Variants in SHANK1 observed in about 807,000 individuals in gnomAD.
SHANK1 encodes SH3 and multiple ankyrin repeat domains 1.
Under a neutral mutation model 165.6 loss-of-function variants are expected in SHANK1, and 35 were observed. The ratio of observed to expected loss-of-function variants is 0.21; its 90% CI spans 0.16 to 0.28. The LOEUF (loss-of-function observed/expected upper bound fraction) is 0.28. SHANK1 is among the 10% of genes least tolerant of loss of function. The pLI, the probability that SHANK1 is intolerant of heterozygous loss-of-function variation, is 1.00. For missense variants in SHANK1, 2,681 were observed against 3,036.4 expected (o/e 0.88, Z 2.75); for synonymous variants, 1,428 against 1,384.8 (o/e 1.03, Z -0.69).
chr19:50,666,618 G>T lies in SHANK1; in HGVS notation c.5342C>A (p.Thr1781Asn). 1.9e-6 allele frequency: 3 copies of T among 1,600,594 alleles called. No individual in the cohort carries two copies. The highest frequency in any genetic ancestry group is 2.2e-5 in the South Asian group (2 of 89,300). ...GPSGGLRDPV[T>N]PTSPTVSVTG... ...CACCGAGACGGTGGGGCTGGTGGGGGTAACAGGGTCTCGGAGTCCCCCGCT... is the reference window on the plus strand; with the variant it reads ...CACCGAGACGGTGGGGCTGGTGGGGTTAACAGGGTCTCGGAGTCCCCCGCT... Residue 1781 changes from threonine (T) to asparagine (N), a missense_variant, in exon 23 of 24, where the codon ACC becomes AAC. Thr to Asn is a moderately conservative substitution (Grantham distance 65). Around this residue, in one of 10 missense-constraint regions of SHANK1, gnomAD observed 1,713 missense variants for 1,630.2 expected, o/e 1.05. Coordinates refer to ENST00000293441, the MANE Select transcript of SHANK1 (RefSeq NM_016148.5).
At chr19:50,674,613 G>GC in intron 21 of SHANK1, among the ~76,000 whole-genome samples, 1 of 152,156 alleles carries the variant, frequency 6.6e-6, no homozygotes, top group Middle Eastern at 3.4e-3. Context: ...GGCCTGCAGT[G>GC]CCCCCCTAGA....
Position 50,704,494 on chromosome 19 carries a change from G to A in SHANK1, c.1098C>T (p.Leu366=). Residue 366 remains leucine (L), a synonymous_variant, in exon 9 of 24, where the codon CTC becomes CTT. Transcript: ENST00000293441. ...LYNKETCARI[L]LYRGADKDVK... is the part of the protein sequence containing the mutation. ...CATCCTTGTCGGCACCTCGATACAG[G>A]AGGATCCTGGCACAGGTCTCCTGCG... The A allele has an allele frequency of 6.2e-7, 1 of 1,614,150 alleles. No homozygotes were observed. Among genetic ancestry groups the A allele is most frequent in the South Asian group, 1.1e-5 (1 of 91,084 alleles).
intron 15 of SHANK1, 115 bp from the exon 16 acceptor site, chr19:50,689,394 A>G (rs752286310): frequency 2.6e-6 from 2 of 775,716 alleles, no homozygotes; most frequent in East Asian, 2.5e-5. Flanking sequence ...CTCCAGGGCC[A>G]TTAATTGCAT....
In SHANK1 at chr19:50,690,450, C is replaced by T. The variant is rs1986505096; in HGVS notation, c.1965-1171G>A. 6.6e-6 allele frequency among the ~76,000 whole-genome samples: 1 copy of T among 152,140 alleles called. No individual in the cohort carries two copies. Among genetic ancestry groups the T allele is most frequent in the Non-Finnish European group, 1.5e-5 (1 of 68,004 alleles). On this transcript the variant is annotated intron_variant, in intron 15 of 23. Transcript: ENST00000293441. The surrounding 1 kb of genome is among the most constrained non-coding windows in gnomAD (Gnocchi z 4.9). ...TACTCAGACACCCTGGCTGCAACCC[C>T]ACTGCCTTCAGAATACCCAAGAACA...
chr19:50,687,948 G>C lies in SHANK1; in HGVS notation c.2283C>G (p.Asp761Glu), dbSNP rs906317740. The C allele has an allele frequency of 5.6e-6, 9 of 1,614,066 alleles. No homozygotes were observed. Among genetic ancestry groups the C allele is most frequent in the Non-Finnish European group, 7.6e-6 (9 of 1,179,984 alleles). The change falls in exon 18 of 24, where the codon GAC becomes GAG. Residue 761 changes from aspartate (D) to glutamate (E), a missense_variant. This residue lies in a region of SHANK1 where 206 missense variants were observed against 216.0 expected (regional missense o/e 0.95). Transcript: ENST00000293441. ...CTTTCTTGTGCACTGCCTCATCCAT[G>C]TCCGGGTGCCTGGTGACCATCACCA... ...VKVVMVTRHPDMDEAVHKKAP... is the reference protein window; with the variant it reads ...VKVVMVTRHPEMDEAVHKKAP...
At chr19:50,687,431 C>T in intron 19 of SHANK1, 151 bp downstream of exon 19, 3 of 607,630 alleles carry the variant, frequency 4.9e-6, no homozygotes, top group Non-Finnish European at 8.5e-6. Context: ...CAGAGACACA[C>T]ACACACAGGC....
intron 23 of SHANK1, among the ~76,000 whole-genome samples, chr19:50,663,916 T>G (rs559291486): frequency 3.6e-5 from 5 of 140,534 alleles, no homozygotes; most frequent in African/African-American, 1.4e-4. Flanking sequence ...ACTTCCTTTT[T>G]CTTTTCTTTC....
At chr19:50,700,355 C>T (rs73044627) in intron 12 of SHANK1, among the ~76,000 whole-genome samples, 31,060 of 142,580 alleles carry the variant, frequency 0.22, 3,323 homozygotes, top group South Asian at 0.35. Flanking sequence ...TTGGAGGGCT[C>T]GGGGCATAGG....
Position 50,718,729 on chromosome 19 carries a change from C to A in SHANK1, c.-44+677G>T, listed in dbSNP as rs2089097592. Among the ~76,000 whole-genome samples, 1 of 100,420 alleles carries A rather than the reference C, an allele frequency of 1.0e-5. No individual in the cohort carries two copies. The highest frequency in any genetic ancestry group is 3.7e-5 in the African/African-American group (1 of 26,764). 65.9% of individuals were successfully genotyped at this position (100,420 alleles called of 152,430 possible). A position where few individuals can be genotyped will look rare whatever the true frequency, so the allele number is the denominator to read the frequency against. On this transcript the variant is annotated intron_variant, in intron 1 of 23. Transcript: ENST00000293441. The surrounding 1 kb of genome is among the most constrained non-coding windows in gnomAD (Gnocchi z 5.1). Reference sequence around the variant, plus strand: ...CGGGGCCGGGGAGAATGAATGGAGGCGGAGGGAGGCGGGGAGGGGCGGGGA... The same window carrying A: ...CGGGGCCGGGGAGAATGAATGGAGGAGGAGGGAGGCGGGGAGGGGCGGGGA...
chr19:50,701,397 T>A (rs1053670022), intron 12 of SHANK1, among the ~76,000 whole-genome samples: 6 of 151,628 alleles, frequency 4.0e-5, no homozygotes, highest in Non-Finnish European at 7.4e-5. Context: ...TTCACCATGT[T>A]GGCCAGGCTG....
At chr19:50,707,917 TTTTCTTTTCTTTTCTTTTC>T (rs2088963136) in intron 8 of SHANK1, among the ~76,000 whole-genome samples, 1 of 86,174 alleles carries the variant, frequency 1.2e-5, no homozygotes, top group Admixed American at 1.6e-4. Flanking sequence ...TTTTCTTTTC[TTTTCTTTTCTTTTCTTTTC>T]TTTTCTTTTC....
intron 9 of SHANK1, 99 bp from the exon 10 acceptor site, chr19:50,704,285 ACTC>A: frequency 7.3e-7 from 1 of 1,368,322 alleles, no homozygotes; most frequent in Non-Finnish European, 1.0e-6. Flanking sequence ...CAAACCTTCC[ACTC>A]CGACAATGCC....
rs1431321665 is a variant in SHANK1, at chr19:50,716,407, C to T, written c.327G>A (p.Glu109=). 6 of 1,614,226 alleles carry T rather than the reference C, an allele frequency of 3.7e-6. No homozygotes were observed. In the Admixed American group the frequency reaches 8.3e-5, roughly 22 times the overall value. The part of the protein sequence containing the change: ...AKQQVLCALS[E]SLQDVLNYGL... Reference sequence around the variant, plus strand: ...CATAGTTGAGCACATCCTGCAGGCTCTCGCTCAGGGCACAGAGCACCTGCT... The same window carrying T: ...CATAGTTGAGCACATCCTGCAGGCTTTCGCTCAGGGCACAGAGCACCTGCT... Residue 109 remains glutamate (E), a synonymous_variant, in exon 3 of 24, where the codon GAG becomes GAA. Transcript: ENST00000293441. This position sits in a 1 kb window ranked among gnomAD's most constrained non-coding sequence, Gnocchi z 8.4.
At chr19:50,711,164 G>A (rs973888686) in intron 8 of SHANK1, 80 of 571,190 alleles carry the variant, frequency 1.4e-4, no homozygotes, top group African/African-American at 1.2e-3. Context: ...TGATACAGAG[G>A]AGCTCAGTAA....
rs1377095267 is a variant in SHANK1, at chr19:50,719,633, T to TCCGCCGCGG, written c.-280_-272dup. On this transcript the variant is annotated 5_prime_UTR_variant, in exon 1 of 24. Transcript: ENST00000293441. ...TGGCCATCCGCAGAGCGCCCCCCCT[T>TCCGCCGCGG]CCGCCGCGGCCGCCGCGCCCCTCCT... is the stretch of plus-strand genomic sequence containing the variant. 1.4e-5 allele frequency among the ~76,000 whole-genome samples: 2 copies of TCCGCCGCGG among 144,862 alleles called. No individual in the cohort carries two copies. The highest frequency in any genetic ancestry group is 6.8e-5 in the Admixed American group (1 of 14,792).
intron 23 of SHANK1, among the ~76,000 whole-genome samples, chr19:50,664,367 G>T (rs1053674315): frequency 6.6e-6 from 1 of 152,190 alleles, no homozygotes; most frequent in African/African-American, 2.4e-5. Flanking sequence ...CTGCGACGAT[G>T]CAGCTGACTG....
At chr19:50,715,205 G>A (rs1237890165) in intron 4 of SHANK1, among the ~76,000 whole-genome samples, 1 of 152,090 alleles carries the variant, frequency 6.6e-6, no homozygotes, top group Non-Finnish European at 1.5e-5. Flanking sequence ...GGCTGGAAAG[G>A]GGGGTGTAAT....
Position 50,718,801 on chromosome 19 carries a change from C to T in SHANK1, c.-44+605G>A, listed in dbSNP as rs1401086141. On this transcript the variant is annotated intron_variant, in intron 1 of 23. Transcript: ENST00000293441. This position sits in a 1 kb window ranked among gnomAD's most constrained non-coding sequence, Gnocchi z 5.1. ...GGGAAACTGGTGGGGGAGAACCCGG[C>T]CGGGGAGAGGGGCGGGGGGCACCGG... Among the ~76,000 whole-genome samples, 1 of 90,768 alleles carries T rather than the reference C, an allele frequency of 1.1e-5. No homozygotes were observed. Among genetic ancestry groups the T allele is most frequent in the African/African-American group, 4.5e-5 (1 of 22,360 alleles). The allele number at this position is 90,768 out of a possible 152,430, so 59.5% of individuals were successfully genotyped here. A position where few individuals can be genotyped will look rare whatever the true frequency, so the allele number is the denominator to read the frequency against.
rs755178027 is a variant in SHANK1, at chr19:50,697,144, C to T, written c.1938-22G>A. On this transcript the variant is annotated intron_variant, in intron 14 of 23. Coordinates refer to ENST00000293441, the MANE Select transcript of SHANK1 (RefSeq NM_016148.5). This position sits in a 1 kb window ranked among gnomAD's most constrained non-coding sequence, Gnocchi z 4.7. ...TAAGCTTCCGAAGCAAGTCAGCCAG[C>T]AGCCAGGGAGGGGAAAGGTGTCAGT... 1.2e-6 allele frequency: 2 copies of T among 1,613,842 alleles called. No homozygotes were observed. The highest frequency in any genetic ancestry group is 1.7e-6 in the Non-Finnish European group (2 of 1,179,950).
Sources: allele counts gnomAD v4.1 joint callset (sites outside exome capture counted in the v4.1 genomes callset), GRCh38; gene constraint gnomAD v4.1.1; regional missense constraint gnomAD v4.1.1; non-coding constraint Gnocchi (gnomAD v3.1); transcripts MANE v1.5; gene names NCBI Gene and HGNC (gene_info 2026-07-23, HGNC 2026-07-21).